MGA: variants seen among roughly 807,000 people sequenced by gnomAD.
MGA encodes the protein MAX gene-associated protein.
MGA carries 40 observed loss-of-function variants against 261.1 expected under a neutral mutation model. The ratio of observed to expected loss-of-function variants is 0.15; its 90% CI spans 0.12 to 0.20. The LOEUF (loss-of-function observed/expected upper bound fraction) is 0.20. MGA is among the 10% of genes least tolerant of loss of function. The probability of loss-of-function intolerance (pLI) is 1.00; values close to 1 mark genes in which losing one functional copy is unlikely to be tolerated. For missense variants in MGA, 3,397 were observed against 3,630.5 expected (o/e 0.94, Z 1.65); for synonymous variants, 1,302 against 1,290.6 (o/e 1.01, Z -0.19).
intron 1 of MGA, among the ~76,000 whole-genome samples, chr15:41,628,087 A>G (rs2056498896): frequency 6.6e-6 from 1 of 152,072 alleles, no homozygotes; most frequent in Non-Finnish European, 1.5e-5. Flanking sequence ...AGATGATTTC[A>G]GGGCCAGGCA....
intron 2 of MGA, among the ~76,000 whole-genome samples, chr15:41,683,702 A>G (rs1244240214): frequency 1.3e-5 from 2 of 150,120 alleles, no homozygotes; most frequent in Admixed American, 6.7e-5. Flanking sequence ...CATCAGCCCC[A>G]TAGGTAGGTA....
rs2062728789 is a variant in MGA, at chr15:41,749,743, A to G, written c.6136A>G (p.Lys2046Glu). The change falls in exon 17 of 24, where the codon AAA (lysine) becomes GAA (glutamate). Residue 2046 changes from lysine (K) to glutamate (E), a missense_variant. Physicochemically the swap from Lys to Glu is moderately conservative, Grantham distance 56. Coordinates refer to ENST00000219905, the MANE Select transcript of MGA (RefSeq NM_001164273.2). ...TCCAGAAGAAGGTTGTGCAACTGTC[A>G]AACCATCTGAGCATTCCTGTATCAC... is the stretch of plus-strand genomic sequence containing the variant. 1.9e-6 allele frequency: 3 copies of G among 1,613,910 alleles called. No homozygotes were observed. The African/African-American group carries it at 4.0e-5, about 22-fold the overall frequency.
chr15:41,624,071 A>C (rs1399047243), intron 1 of MGA, among the ~76,000 whole-genome samples: 1 of 147,350 alleles, frequency 6.8e-6, no homozygotes, highest in African/African-American at 2.5e-5. Context: ...CAGCAAATTA[A>C]ATTTTTTTTT....
chr15:41,747,011 A>G (rs376896439), intron 15 of MGA, among the ~76,000 whole-genome samples: 74 of 150,496 alleles, frequency 4.9e-4, no homozygotes, highest in African/African-American at 1.5e-3. Context: ...GTTTTTTCCT[A>G]TGTCTTTAGT....
intron 1 of MGA, among the ~76,000 whole-genome samples, chr15:41,623,542 C>T (rs1470763805): frequency 3.3e-5 from 5 of 151,730 alleles, no homozygotes; most frequent in Non-Finnish European, 5.9e-5. Flanking sequence ...GTCGGGAGTT[C>T]GAGACTAGCC....
chr15:41,737,641 A>G (rs545350699), intron 13 of MGA, among the ~76,000 whole-genome samples: 2 of 152,296 alleles, frequency 1.3e-5, no homozygotes, highest in East Asian at 3.9e-4. Context: ...ATACTGGCAT[A>G]TAGAAAATTT....
intron 1 of MGA, among the ~76,000 whole-genome samples, chr15:41,632,021 A>G (rs1479303572): frequency 1.3e-5 from 2 of 152,196 alleles, no homozygotes; most frequent in Non-Finnish European, 2.9e-5. Flanking sequence ...AGTAAATGGA[A>G]TCAAGTTGAG....
At chr15:41,636,170 ACT>A (rs2056700142) in intron 1 of MGA, among the ~76,000 whole-genome samples, 1 of 151,872 alleles carries the variant, frequency 6.6e-6, no homozygotes, top group African/African-American at 2.4e-5. Flanking sequence ...ACAGGGTTTC[ACT>A]CTGTCACCCA....
intron 1 of MGA, among the ~76,000 whole-genome samples, chr15:41,652,548 T>C (rs2057089150): frequency 6.6e-6 from 1 of 151,232 alleles, no homozygotes; most frequent in African/African-American, 2.4e-5. Context: ...TTTTTTTTTT[T>C]TTTTTTGAGA....
rs533444804 is a variant in MGA, at chr15:41,732,453, T to C, written c.3844-2069T>C. Among the ~76,000 whole-genome samples, 6 of 152,272 alleles carry C rather than the reference T, an allele frequency of 3.9e-5. No individual in the cohort carries two copies. In the South Asian group the frequency reaches 1.0e-3, roughly 26 times the overall value. On this transcript the variant is annotated intron_variant, in intron 11 of 23. Transcript: ENST00000219905. ...GTGAGCCACCGTGCCCGGCCTGTTA[T>C]CCTTATTATATCTTGTGACACCTGA...
chr15:41,762,167 A>C lies in MGA; in HGVS notation c.7549A>C (p.Ile2517Leu). 2 of 1,613,886 alleles carry C rather than the reference A, an allele frequency of 1.2e-6. No individual in the cohort carries two copies. The highest frequency in any genetic ancestry group is 1.7e-6 in the Non-Finnish European group (2 of 1,179,838). The change falls in exon 22 of 24, where the codon ATT becomes CTT. Residue 2517 changes from isoleucine (I) to leucine (L), a missense_variant. This residue lies in a region of MGA where 50 missense variants were observed against 121.5 expected (regional missense o/e 0.41). Transcript: ENST00000219905. ...AGTGGTCCTGAAGAAGCTAGAGTAT[A>C]TTTATGCAAAACAGCAAGCACTAGA...
intron 1 of MGA, among the ~76,000 whole-genome samples, chr15:41,652,219 C>T (rs1299573561): frequency 3.3e-5 from 5 of 150,818 alleles, no homozygotes; most frequent in Non-Finnish European, 4.4e-5. Context: ...GTGATCCACC[C>T]GCCTCAGCCT....
At chr15:41,759,438 ATGTGTGTGTGTGTG>A (rs58952352) in intron 19 of MGA, among the ~76,000 whole-genome samples, 9 of 134,786 alleles carry the variant, frequency 6.7e-5, no homozygotes, top group African/African-American at 2.2e-4. Context: ...GCTTCTTAAT[ATGTGTGTGTGTGTG>A]TGTGTGTGTG....
At chr15:41,639,673 T>A (rs1305156542) in intron 1 of MGA, among the ~76,000 whole-genome samples, 3 of 151,784 alleles carry the variant, frequency 2.0e-5, no homozygotes, top group African/African-American at 7.3e-5. Context: ...GCCACTAGAG[T>A]AGCTGGGACT....
At chr15:41,738,011 G>A (rs1479165989) in intron 13 of MGA, among the ~76,000 whole-genome samples, 1 of 151,726 alleles carries the variant, frequency 6.6e-6, no homozygotes, top group African/African-American at 2.4e-5. Flanking sequence ...TATTAGAGTA[G>A]CAAATGTGTG....
At chr15:41,645,595 T>G (rs916165686) in intron 1 of MGA, among the ~76,000 whole-genome samples, 1 of 152,038 alleles carries the variant, frequency 6.6e-6, no homozygotes, top group African/African-American at 2.4e-5. Flanking sequence ...AAAAAAAAAT[T>G]GTTGGATTCT....
At chr15:41,655,564 T>C (rs922988533), upstream of MGA, among the ~76,000 whole-genome samples, 68 of 152,214 alleles carry the variant, frequency 4.5e-4, 2 homozygotes, top group Non-Finnish European at 1.5e-5. Flanking sequence ...TTTTGTTGTA[T>C]TGTCATTTAT....
chr15:41,756,751 G>A (rs1484848920), intron 18 of MGA, among the ~76,000 whole-genome samples: 1 of 152,058 alleles, frequency 6.6e-6, no homozygotes, highest in Non-Finnish European at 1.5e-5. Context: ...TAATTTATTT[G>A]TACTTTTATT....
chr15:41,717,172 A>G (rs1037528103), intron 9 of MGA, among the ~76,000 whole-genome samples: 1 of 152,040 alleles, frequency 6.6e-6, no homozygotes, highest in Non-Finnish European at 1.5e-5. Context: ...TGAAATTTTA[A>G]TTCTGCCTCC....
Sources: gnomAD v4.1 joint callset for allele counts (sites outside exome capture counted in the v4.1 genomes callset) on GRCh38, gnomAD v4.1.1 for gene constraint, gnomAD v4.1.1 regional missense constraint, MANE v1.5 for transcripts, NCBI Gene and HGNC (gene_info 2026-07-23, HGNC 2026-07-21) for gene names.